The following WDSUB1 variants were observed in gnomAD, a reference collection of about 807,000 sequenced individuals.
WDSUB1 encodes WD repeat, SAM and U-box domain-containing protein 1.
Under a neutral mutation model 53.9 loss-of-function variants are expected in WDSUB1, and 49 were observed. That is an observed-to-expected ratio of 0.91 (90% CI 0.72 to 1.15). WDSUB1 has a LOEUF of 1.15. WDSUB1 is among the 50% of genes most tolerant of loss of function. The pLI, the probability that WDSUB1 is intolerant of heterozygous loss-of-function variation, is 0.00. For missense variants in WDSUB1, 514 were observed against 562.0 expected, an observed-to-expected ratio of 0.91 and a Z score of 0.86; for synonymous variants, 194 against 200.6, an observed-to-expected ratio of 0.97 and a Z score of 0.28.
rs563138224 is a variant in WDSUB1, at chr2:159,286,250, CA to C, written c.-25+332del. ...CTCCCAAAATAAAGTCCGCCACTTA[CA>C]CCCCCCATGCACGAAAGACCAGGAA... On this transcript the variant is annotated intron_variant, in intron 1 of 10. Coordinates refer to ENST00000359774, the MANE Select transcript of WDSUB1 (RefSeq NM_001128212.3). 1.5e-3 allele frequency: 235 copies of C among 153,594 alleles called. 5 individuals carry two copies. The South Asian group carries it at 0.047, about 31-fold the overall frequency. The allele number at this position is 153,594 out of a possible 1,614,324, so 9.5% of individuals were successfully genotyped here.
intron 9 of WDSUB1, among the ~76,000 whole-genome samples, chr2:159,254,763 G>C (rs1310986430): frequency 6.6e-6 from 1 of 152,032 alleles, no homozygotes; most frequent in Non-Finnish European, 1.5e-5. Flanking sequence ...AAATTTGTGA[G>C]TTTTTTTTAA....
At chr2:159,248,312 A>G in intron 10 of WDSUB1, 60 bp downstream of exon 10, 1 of 1,573,912 alleles carries the variant, frequency 6.4e-7, no homozygotes, top group Non-Finnish European at 8.6e-7. Context: ...AGAACTGTCT[A>G]AACTTTTTAT....
intron 3 of WDSUB1, among the ~76,000 whole-genome samples, chr2:159,277,271 A>G (rs1481906281): frequency 6.6e-6 from 1 of 152,242 alleles, no homozygotes; most frequent in East Asian, 1.9e-4. Context: ...CCTTTCTAAG[A>G]GAGATCTTGA....
chr2:159,274,159 G>C (rs11689463), intron 4 of WDSUB1, among the ~76,000 whole-genome samples: 53,501 of 152,098 alleles, frequency 0.35, 12,389 homozygotes, highest in Non-Finnish European at 0.54. Flanking sequence ...TAACAGCCCA[G>C]CATACAAAGA....
intron 5 of WDSUB1, among the ~76,000 whole-genome samples, chr2:159,263,127 A>G (rs2061259919): frequency 1.3e-5 from 2 of 152,164 alleles, no homozygotes; most frequent in Non-Finnish European, 2.9e-5. Context: ...TGTGCTTGAC[A>G]TGGACGTGGT....
At chr2:159,261,902 T>A (rs1411332202) in intron 5 of WDSUB1, among the ~76,000 whole-genome samples, 23 of 39,342 alleles carry the variant, frequency 5.8e-4, no homozygotes, top group Non-Finnish European at 9.7e-4. Flanking sequence ...ATATATTTTT[T>A]TTTTTTTTTT....
At chr2:159,284,227 A>G (rs1012694747) in intron 1 of WDSUB1, among the ~76,000 whole-genome samples, 4 of 152,198 alleles carry the variant, frequency 2.6e-5, no homozygotes, top group African/African-American at 9.7e-5. Flanking sequence ...CATACCAATA[A>G]ATTTCCACAA....
chr2:159,243,040 T>A (rs949417995), intron 10 of WDSUB1, among the ~76,000 whole-genome samples: 1 of 98,078 alleles, frequency 1.0e-5, no homozygotes, highest in Non-Finnish European at 2.2e-5. Flanking sequence ...TCTCCACACA[T>A]GTATCAATCA....
At chr2:159,238,186 G>C (rs963331027) in intron 10 of WDSUB1, among the ~76,000 whole-genome samples, 2 of 151,972 alleles carry the variant, frequency 1.3e-5, no homozygotes, top group African/African-American at 4.8e-5. Flanking sequence ...TTTTCTACTA[G>C]GTTGTCCTTA....
intron 3 of WDSUB1, among the ~76,000 whole-genome samples, chr2:159,279,514 TAAAG>T (rs534630720): frequency 1.3e-5 from 2 of 151,986 alleles, no homozygotes; most frequent in Non-Finnish European, 2.9e-5. Flanking sequence ...CTGCATATAA[TAAAG>T]AATGTAATTT....
At position 159,255,834 on chromosome 2, in the gene WDSUB1, A is replaced by ATGAT. The variant is rs1470499019; in HGVS notation, c.1132+358_1132+361dup. On this transcript the variant is annotated intron_variant, in intron 9 of 10. Transcript: ENST00000359774. ...GTCTGGCAATTATGTTTATTAGAGC[A>ATGAT]TGATATCAAAACTTGTTTTTGGTAA... Among the ~76,000 whole-genome samples the ATGAT allele has an allele frequency of 1.8e-4, 27 of 152,346 alleles. No homozygotes were observed. The East Asian group carries it at 2.1e-3, about 12-fold the overall frequency.
chr2:159,271,530 C>T (rs555658825), intron 5 of WDSUB1, among the ~76,000 whole-genome samples, 172 bp downstream of exon 5: 3 of 152,176 alleles, frequency 2.0e-5, no homozygotes, highest in African/African-American at 4.8e-5. Context: ...CATGTTGTCA[C>T]CAAAAAGGGG....
intron 9 of WDSUB1, among the ~76,000 whole-genome samples, chr2:159,251,677 A>G (rs1193008622): frequency 6.6e-6 from 1 of 152,218 alleles, no homozygotes; most frequent in Non-Finnish European, 1.5e-5. Context: ...ATTACTGACT[A>G]TAATCCTGAA....
intron 5 of WDSUB1, among the ~76,000 whole-genome samples, chr2:159,268,156 G>A (rs956138485): frequency 5.3e-5 from 8 of 152,210 alleles, no homozygotes; most frequent in African/African-American, 1.9e-4. Flanking sequence ...ATAAGTACAT[G>A]TCAGGGTCTT....
In WDSUB1 at chr2:159,248,528, T is replaced by C. The variant is rs377486590; in HGVS notation, c.1133-16A>G. 171 of 1,483,464 alleles carry C rather than the reference T, an allele frequency of 1.2e-4. No individual in the cohort carries two copies. The highest frequency in any genetic ancestry group is 1.5e-4 in the Non-Finnish European group (165 of 1,122,648). 91.9% of individuals were successfully genotyped at this position (1,483,464 alleles called of 1,614,324 possible). ...CCTAGAGATTCTGAAAAGAAATTAC[T>C]GTTAGGGCTGGATAACTACTAGTAA... On this transcript the variant is annotated splice_polypyrimidine_tract_variant and intron_variant, in intron 9 of 10. Transcript: ENST00000359774.
intron 4 of WDSUB1, among the ~76,000 whole-genome samples, chr2:159,274,566 C>G (rs900649542): frequency 1.3e-5 from 2 of 152,122 alleles, no homozygotes; most frequent in Non-Finnish European, 2.9e-5. Context: ...TGCACAAAAG[C>G]CAAGCATTTA....
At chr2:159,284,118 G>T (rs146592955) in intron 1 of WDSUB1, among the ~76,000 whole-genome samples, 1 of 152,084 alleles carries the variant, frequency 6.6e-6, no homozygotes, top group Admixed American at 6.6e-5. Flanking sequence ...GGCCAAGGGA[G>T]CTCTGTTTTA....
chr2:159,275,489 T>C, intron 4 of WDSUB1, 57 bp downstream of exon 4: 3 of 1,390,680 alleles, frequency 2.2e-6, no homozygotes, highest in African/African-American at 3.0e-5. Context: ...AAAGATTAAA[T>C]AGAAATTTTA....
At chr2:159,250,572 C>T (rs747673612) in intron 9 of WDSUB1, among the ~76,000 whole-genome samples, 1 of 152,176 alleles carries the variant, frequency 6.6e-6, no homozygotes, top group Non-Finnish European at 1.5e-5. Context: ...GACAGTTTAT[C>T]GAGTCCACCT....
Sources: allele counts gnomAD v4.1 joint callset (sites outside exome capture counted in the v4.1 genomes callset), GRCh38; gene constraint gnomAD v4.1.1; transcripts MANE v1.5; gene names NCBI Gene and HGNC (gene_info 2026-07-23, HGNC 2026-07-21).